Variants in LRRTM4 observed in about 807,000 individuals in gnomAD.
LRRTM4 encodes the protein leucine rich repeat transmembrane neuronal 4, also known as leucine-rich repeat transmembrane neuronal protein 4.
In LRRTM4, 25 loss-of-function variants were observed where a neutral mutation model predicts 47.6. The observed-to-expected ratio is 0.53, with a 90% CI of 0.38 to 0.73. The LOEUF is 0.73. Ranked by LOEUF, LRRTM4 falls within the 30% of genes least tolerant of loss-of-function variation. LRRTM4 has a pLI of 0.00. For missense variants in LRRTM4, 638 were observed against 713.4 expected (o/e 0.89, Z 1.20); for synonymous variants, 311 against 269.5 (o/e 1.15, Z -1.51).
chr2:76,767,299 T>A (rs993339828), intron 3 of LRRTM4, among the ~76,000 whole-genome samples: 3 of 152,218 alleles, frequency 2.0e-5, no homozygotes, highest in Non-Finnish European at 4.4e-5. Context: ...ACTTCTTTCA[T>A]CTGTACTAAT....
At chr2:77,144,320 C>G (rs942016094) in intron 3 of LRRTM4, among the ~76,000 whole-genome samples, 15 of 152,166 alleles carry the variant, frequency 9.9e-5, no homozygotes, top group South Asian at 8.3e-4. Flanking sequence ...CCACACTCTT[C>G]ACGACCAAGG....
At position 76,924,177 on chromosome 2, in the gene LRRTM4, T is replaced by C. The variant is rs564230452; in HGVS notation, c.1552-175261A>G. 4.3e-4 allele frequency among the ~76,000 whole-genome samples: 65 copies of C among 152,240 alleles called. No individual in the cohort carries two copies. The South Asian group carries it at 0.013, about 31-fold the overall frequency. The stretch of plus-strand genomic sequence containing the variant: ...TTATATTATAAAAACTCATCTCCTT[T>C]CAGAAATTCACTTATCCTAAACACC... On this transcript the variant is annotated intron_variant, in intron 3 of 3. Coordinates refer to ENST00000409884, the MANE Select transcript of LRRTM4 (RefSeq NM_001134745.3).
Position 77,106,616 on chromosome 2 carries a change from C to A in LRRTM4, c.1552-357700G>T, listed in dbSNP as rs1469575345. Among the ~76,000 whole-genome samples, 3 of 151,300 alleles carry A rather than the reference C, an allele frequency of 2.0e-5. No homozygotes were observed. In the East Asian group the frequency reaches 5.8e-4, roughly 29 times the overall value. ...TAAACACTTGTAGTGAGATAGACAC[C>A]CAAATGGTGGGTAAAATAATGGATA... On this transcript the variant is annotated intron_variant, in intron 3 of 3. Transcript: ENST00000409884.
At chr2:77,478,039 T>A (rs13029709) in intron 3 of LRRTM4, among the ~76,000 whole-genome samples, 1 of 151,730 alleles carries the variant, frequency 6.6e-6, no homozygotes, top group African/African-American at 2.4e-5. Context: ...AGGCTCATAG[T>A]TTTCCAGTAT....
At chr2:77,175,950 C>T (rs1359432874) in intron 3 of LRRTM4, among the ~76,000 whole-genome samples, 3 of 151,278 alleles carry the variant, frequency 2.0e-5, no homozygotes, top group Non-Finnish European at 4.4e-5. Flanking sequence ...TGAGCCACTG[C>T]GCCCGCTACT....
chr2:76,966,277 G>A (rs1169422163), intron 3 of LRRTM4, among the ~76,000 whole-genome samples: 1 of 151,240 alleles, frequency 6.6e-6, no homozygotes, highest in African/African-American at 2.4e-5. Context: ...TGAAATAGGA[G>A]AAGGAGGTAG....
chr2:77,001,190 A>C (rs534952758), intron 3 of LRRTM4, among the ~76,000 whole-genome samples: 1 of 152,000 alleles, frequency 6.6e-6, no homozygotes, highest in Non-Finnish European at 1.5e-5. Context: ...CTGCAGAGAA[A>C]CCTGTACCAG....
Position 76,999,521 on chromosome 2 carries a change from T to A in LRRTM4, c.1552-250605A>T, listed in dbSNP as rs1573429412. Among the ~76,000 whole-genome samples the A allele has an allele frequency of 5.9e-5, 9 of 152,096 alleles. No individual in the cohort carries two copies. The South Asian group carries it at 1.7e-3, about 28-fold the overall frequency. On this transcript the variant is annotated intron_variant, in intron 3 of 3. Transcript: ENST00000409884. ...CAGATAAACAGTTTCTCTCAATTTT[T>A]AAAAATCAACATATATTGAGCCTAG...
In LRRTM4 at chr2:77,341,413, G is replaced by C. The variant is rs111604828; in HGVS notation, c.1551+176905C>G. The stretch of plus-strand genomic sequence containing the variant: ...TTTCCTGGTGAACTCTGCTTAGTTT[G>C]ACTCTGCTTAAACGTTATTCCTTCA... On this transcript the variant is annotated intron_variant, in intron 3 of 3. Coordinates refer to ENST00000409884, the MANE Select transcript of LRRTM4 (RefSeq NM_001134745.3). Among the ~76,000 whole-genome samples the C allele has an allele frequency of 3.3e-3, 505 of 151,984 alleles. 4 individuals carry two copies. Among genetic ancestry groups the C allele is most frequent in the African/African-American group, 0.012 (482 of 41,502 alleles).
chr2:77,363,322 T>C (rs1424654227), intron 3 of LRRTM4, among the ~76,000 whole-genome samples: 3 of 151,970 alleles, frequency 2.0e-5, no homozygotes, highest in African/African-American at 7.3e-5. Flanking sequence ...AAAAAAGGAA[T>C]AGGAGGTAAG....
At chr2:76,749,847 C>T (rs751715251) in intron 3 of LRRTM4, among the ~76,000 whole-genome samples, 3 of 152,108 alleles carry the variant, frequency 2.0e-5, no homozygotes, top group East Asian at 1.9e-4. Flanking sequence ...CTCATACTTG[C>T]GAGTTACAAT....
At chr2:77,104,738 G>A (rs1044244326) in intron 3 of LRRTM4, among the ~76,000 whole-genome samples, 1 of 152,248 alleles carries the variant, frequency 6.6e-6, no homozygotes, top group South Asian at 2.1e-4. Context: ...CGCTGAAATC[G>A]AGCAGGGTTT....
At chr2:77,175,081 T>C (rs1174125229) in intron 3 of LRRTM4, among the ~76,000 whole-genome samples, 1 of 150,976 alleles carries the variant, frequency 6.6e-6, no homozygotes, top group South Asian at 2.1e-4. Flanking sequence ...TTTCTTTTTT[T>C]TTTTTTTTGA....
chr2:76,983,513 G>A (rs1481139584), intron 3 of LRRTM4, among the ~76,000 whole-genome samples: 1 of 151,970 alleles, frequency 6.6e-6, no homozygotes, highest in Non-Finnish European at 1.5e-5. Flanking sequence ...TGTAAGACAT[G>A]CCTTTGCTGC....
intron 3 of LRRTM4, among the ~76,000 whole-genome samples, chr2:77,143,118 A>C (rs1672169397): frequency 6.6e-6 from 1 of 152,204 alleles, no homozygotes; most frequent in Non-Finnish European, 1.5e-5. Context: ...TATTACATAC[A>C]TTATTTCTCA....
intron 3 of LRRTM4, among the ~76,000 whole-genome samples, chr2:76,956,545 C>T (rs1426976446): frequency 2.7e-5 from 4 of 150,226 alleles, no homozygotes; most frequent in African/African-American, 9.8e-5. Context: ...CTTTATACCT[C>T]AAAGAACTAG....
chr2:77,037,060 G>C (rs1678862185), intron 3 of LRRTM4, among the ~76,000 whole-genome samples: 1 of 151,614 alleles, frequency 6.6e-6, no homozygotes, highest in Non-Finnish European at 1.5e-5. Context: ...TGGAACTGTA[G>C]AATCAATTTT....
At chr2:76,947,863 G>C (rs1675373293) in intron 3 of LRRTM4, among the ~76,000 whole-genome samples, 1 of 151,754 alleles carries the variant, frequency 6.6e-6, no homozygotes. Flanking sequence ...ATTCTTATCA[G>C]AGCCCAAGCA....
chr2:76,796,217 C>A (rs1157372427), intron 3 of LRRTM4, among the ~76,000 whole-genome samples: 1 of 129,478 alleles, frequency 7.7e-6, no homozygotes, highest in Non-Finnish European at 1.6e-5. Flanking sequence ...GATCAAACTG[C>A]AAGGCGGCAG....
Sources: allele counts gnomAD v4.1 joint callset (sites outside exome capture counted in the v4.1 genomes callset), GRCh38; gene constraint gnomAD v4.1.1; transcripts MANE v1.5; gene names NCBI Gene and HGNC (gene_info 2026-07-23, HGNC 2026-07-21).